Variants in NOVA1 observed in about 807,000 individuals in gnomAD.
NOVA1 encodes NOVA alternative splicing regulator 1.
NOVA1 carries 7 observed loss-of-function variants against 38.0 expected under a neutral mutation model. The observed-to-expected ratio is 0.18, with a 90% CI of 0.10 to 0.35. The LOEUF is 0.35. Among genes scored for constraint, NOVA1 ranks in the 10% least tolerant of loss-of-function variants. NOVA1 has a pLI of 1.00. For synonymous variants in NOVA1, 270 were observed against 232.5 expected (o/e 1.16, Z -1.47); for missense variants, 460 against 616.0 (o/e 0.75, Z 2.68).
chr14:26,537,275 CA>C (rs1417832340), intron 2 of NOVA1, among the ~76,000 whole-genome samples: 3 of 151,324 alleles, frequency 2.0e-5, no homozygotes, highest in African/African-American at 4.8e-5. Flanking sequence ...TGAAGAAAAA[CA>C]AAAAAATTAT....
chr14:26,556,542 C>A (rs1447759154), intron 2 of NOVA1, among the ~76,000 whole-genome samples: 2 of 152,120 alleles, frequency 1.3e-5, no homozygotes, highest in Non-Finnish European at 2.9e-5. Context: ...AGATAAAACT[C>A]TACAACTCCT....
At chr14:26,565,163 A>G (rs981061812) in intron 2 of NOVA1, among the ~76,000 whole-genome samples, 2 of 151,126 alleles carry the variant, frequency 1.3e-5, no homozygotes, top group African/African-American at 4.9e-5. Flanking sequence ...GAAAAACACA[A>G]TAGCTGCTTG....
intron 2 of NOVA1, among the ~76,000 whole-genome samples, chr14:26,482,677 T>C (rs1005109343): frequency 6.6e-6 from 1 of 152,152 alleles, no homozygotes; most frequent in African/African-American, 2.4e-5. Flanking sequence ...TTGTATAAGA[T>C]AGAGGTATAT....
In NOVA1 at chr14:26,597,512, T is replaced by TTC. The variant is rs1894282028; in HGVS notation, c.-77_-76insGA. The TTC allele has an allele frequency of 2.7e-6, 3 of 1,115,874 alleles. No individual in the cohort carries two copies. The highest frequency in any genetic ancestry group is 3.3e-6 in the Non-Finnish European group (3 of 902,984). 69.1% of individuals were successfully genotyped at this position (1,115,874 alleles called of 1,614,324 possible). Reference sequence around the variant, plus strand: ...GGCTTTTTCTTTTCTTTTTTCTTTTTTTTTTTTTTTTTTTTTTGCGTTTGG... The same window carrying TTC: ...GGCTTTTTCTTTTCTTTTTTCTTTTTTCTTTTTTTTTTTTTTTTTGCGTTTGG... On this transcript the variant is annotated 5_prime_UTR_variant, in exon 1 of 5. Coordinates refer to ENST00000539517, the MANE Select transcript of NOVA1 (RefSeq NM_002515.3).
At chr14:26,534,923 C>T (rs563439770) in intron 2 of NOVA1, among the ~76,000 whole-genome samples, 2 of 152,092 alleles carry the variant, frequency 1.3e-5, no homozygotes, top group South Asian at 4.1e-4. Context: ...GGGATTCTTC[C>T]CTAGTGCCTC....
At chr14:26,508,769 C>T (rs972306709) in intron 2 of NOVA1, among the ~76,000 whole-genome samples, 2 of 150,750 alleles carry the variant, frequency 1.3e-5, no homozygotes, top group Non-Finnish European at 3.0e-5. Flanking sequence ...ACAGAAGAAC[C>T]CTAAAAATTT....
intron 4 of NOVA1, among the ~76,000 whole-genome samples, chr14:26,454,838 A>G (rs1237715651): frequency 1.3e-5 from 2 of 152,138 alleles, no homozygotes; most frequent in Non-Finnish European, 2.9e-5. Flanking sequence ...TAACCAGAAA[A>G]ATGCCTTTTA....
intron 2 of NOVA1, among the ~76,000 whole-genome samples, chr14:26,579,050 ATTC>A (rs1326183169): frequency 5.1e-4 from 39 of 76,626 alleles, no homozygotes; most frequent in African/African-American, 1.4e-3. Flanking sequence ...AGCAGGTGGT[ATTC>A]TTTTTTTTTT....
intron 3 of NOVA1, among the ~76,000 whole-genome samples, chr14:26,478,289 A>G (rs960621550): frequency 2.6e-5 from 4 of 151,944 alleles, no homozygotes; most frequent in Admixed American, 2.0e-4. Flanking sequence ...GGTATGAGAT[A>G]TTTATTCTTA....
chr14:26,536,274 C>T (rs1181611835), intron 2 of NOVA1, among the ~76,000 whole-genome samples: 2 of 150,438 alleles, frequency 1.3e-5, no homozygotes, highest in East Asian at 2.0e-4. Context: ...AAAAATAGAA[C>T]GAATAAGACC....
chr14:26,459,362 C>T (rs1467073511), intron 4 of NOVA1, among the ~76,000 whole-genome samples: 2 of 151,960 alleles, frequency 1.3e-5, no homozygotes, highest in Non-Finnish European at 2.9e-5. Flanking sequence ...ACATGCTGTA[C>T]AGATTTGTAA....
intron 2 of NOVA1, among the ~76,000 whole-genome samples, chr14:26,562,713 A>G (rs1382849001): frequency 6.6e-6 from 1 of 152,160 alleles, no homozygotes; most frequent in Non-Finnish European, 1.5e-5. Context: ...AGACAGCGAT[A>G]ATGTTAGCGC....
chr14:26,594,587 G>A lies in NOVA1; in HGVS notation c.280+823C>T, dbSNP rs12588828. 1.5e-4 allele frequency: 23 copies of A among 151,922 alleles called. No individual in the cohort carries two copies. The East Asian group carries it at 4.4e-3, about 29-fold the overall frequency. The allele number at this position is 151,922 out of a possible 1,614,324, so 9.4% of individuals were successfully genotyped here. On this transcript the variant is annotated intron_variant, in intron 2 of 4. Coordinates refer to ENST00000539517, the MANE Select transcript of NOVA1 (RefSeq NM_002515.3). ...GCTGATAATGTTTTATCTAGGAAAT[G>A]TACTACTCAATTACAGAGACTTTTC...
At chr14:26,585,815 T>C (rs1418964715) in intron 2 of NOVA1, among the ~76,000 whole-genome samples, 1 of 149,568 alleles carries the variant, frequency 6.7e-6, no homozygotes, top group Non-Finnish European at 1.5e-5. Flanking sequence ...ATTCCCGTCA[T>C]ACTCCACTGT....
At chr14:26,479,388 C>A (rs1213938025) in intron 3 of NOVA1, 1 of 151,842 alleles carries the variant, frequency 6.6e-6, no homozygotes, top group African/African-American at 2.4e-5. Flanking sequence ...CAAAAAATCT[C>A]GTACATTAAA....
chr14:26,472,723 TA>T (rs879843278), intron 3 of NOVA1, among the ~76,000 whole-genome samples: 252 of 136,378 alleles, frequency 1.8e-3, no homozygotes, highest in Middle Eastern at 3.8e-3. Flanking sequence ...AAAAGAGATG[TA>T]AAAAAAAAAA....
intron 2 of NOVA1, among the ~76,000 whole-genome samples, chr14:26,503,519 A>G (rs1170423720): frequency 6.6e-6 from 1 of 152,130 alleles, no homozygotes; most frequent in African/African-American, 2.4e-5. Flanking sequence ...AAATGTAGGA[A>G]TGGATACTCT....
intron 2 of NOVA1, among the ~76,000 whole-genome samples, chr14:26,531,420 C>T (rs757274488): frequency 5.3e-5 from 8 of 152,038 alleles, no homozygotes; most frequent in Non-Finnish European, 8.8e-5. Context: ...TCAGCCTGAC[C>T]AACATGAACA....
intron 2 of NOVA1, among the ~76,000 whole-genome samples, chr14:26,525,548 T>C (rs975718759): frequency 2.6e-5 from 4 of 152,150 alleles, no homozygotes; most frequent in African/African-American, 7.2e-5. Context: ...AAGTTATTTA[T>C]GAACTTAATG....
Sources: allele counts gnomAD v4.1 joint callset (sites outside exome capture counted in the v4.1 genomes callset), GRCh38; gene constraint gnomAD v4.1.1; transcripts MANE v1.5; gene names NCBI Gene and HGNC (gene_info 2026-07-23, HGNC 2026-07-21).